Variants in IDNK observed in about 807,000 individuals in gnomAD.
IDNK encodes IDNK gluconokinase.
A neutral mutation model predicts 13.0 loss-of-function variants in IDNK; 9 were observed. The ratio of observed to expected loss-of-function variants is 0.69; its 90% CI spans 0.42 to 1.21. The LOEUF (loss-of-function observed/expected upper bound fraction) is 1.21, where lower values mean the gene tolerates loss of function less well. Ranked by LOEUF, IDNK falls within the 50% of genes most tolerant of loss-of-function variation. IDNK has a pLI of 0.00. For synonymous variants in IDNK, 92 were observed against 94.9 expected, an observed-to-expected ratio of 0.97 and a Z score of 0.18; for missense variants, 210 against 237.8, an observed-to-expected ratio of 0.88 and a Z score of 0.77.
chr9:83,643,027 T>C (rs552269496), intron 4 of IDNK, among the ~76,000 whole-genome samples: 1 of 152,300 alleles, frequency 6.6e-6, no homozygotes, highest in Admixed American at 6.5e-5. Context: ...GCTGTTTGCA[T>C]GGCACAGGGG....
intron 3 of IDNK, among the ~76,000 whole-genome samples, chr9:83,631,384 G>A (rs914021366): frequency 4.2e-5 from 6 of 143,138 alleles, no homozygotes; most frequent in African/African-American, 1.6e-4. Flanking sequence ...CCAGGAGGGA[G>A]AGGCTGAAGA....
chr9:83,627,935 T>A (rs1446532276), intron 1 of IDNK: 3 of 1,039,742 alleles, frequency 2.9e-6, no homozygotes, highest in Non-Finnish European at 3.7e-6. Context: ...TTTAATGAGA[T>A]CTTATATATT....
At chr9:83,629,441 C>G (rs1299234049) in intron 3 of IDNK, among the ~76,000 whole-genome samples, 1 of 152,218 alleles carries the variant, frequency 6.6e-6, no homozygotes, top group South Asian at 2.1e-4. Context: ...CAAATACTTA[C>G]ACTGCTAAGC....
intron 4 of IDNK, among the ~76,000 whole-genome samples, chr9:83,642,682 A>C (rs1340155938): frequency 6.6e-6 from 1 of 152,116 alleles, no homozygotes. Flanking sequence ...TAACTCTAGA[A>C]TCCTGTCCTG....
intron 3 of IDNK, 112 bp from the exon 4 acceptor site, chr9:83,641,436 G>A (rs530079316): frequency 7.2e-5 from 87 of 1,206,208 alleles, no homozygotes; most frequent in South Asian, 2.5e-5. Flanking sequence ...TCACACCACT[G>A]AGCTCTCGCT....
intron 1 of IDNK, 38 bp downstream of exon 1, chr9:83,623,259 T>A: frequency 7.3e-7 from 1 of 1,373,448 alleles, no homozygotes; most frequent in Non-Finnish European, 9.4e-7. Flanking sequence ...CCGGGACAAG[T>A]GTTGCGGGCG....
At chr9:83,628,568 C>G (rs905862251) in intron 2 of IDNK, among the ~76,000 whole-genome samples, 1 of 151,854 alleles carries the variant, frequency 6.6e-6, no homozygotes, top group Non-Finnish European at 1.5e-5. Context: ...AGGGGAATCA[C>G]TTGAACCCGG....
Position 83,643,440 on chromosome 9 carries a change from CG to C in IDNK, c.227del (p.Gly76AspfsTer6). 1 of 1,603,022 alleles carries C rather than the reference CG, an allele frequency of 6.2e-7. No homozygotes were observed. Among genetic ancestry groups the C allele is most frequent in the South Asian group, 1.1e-5 (1 of 90,080 alleles). ...LHDILLRDVASGQRVVLACSA... is the reference protein window; with the variant it reads ...LHDILLRDVAXGQRVVLACSA... Reference sequence around the variant, plus strand: ...CTTTTTCTAAACAGAGATGTAGCCTCGGGACAGCGTGTGGTTCTAGCCTGTT... The same window carrying C: ...CTTTTTCTAAACAGAGATGTAGCCTCGGACAGCGTGTGGTTCTAGCCTGTT... On this transcript the variant is annotated frameshift_variant, in exon 5 of 5. Transcript: ENST00000376419. LOFTEE classifies it low-confidence loss of function (END_TRUNC).
intron 3 of IDNK, among the ~76,000 whole-genome samples, chr9:83,634,108 CT>C (rs1201480884): frequency 3.3e-5 from 5 of 152,206 alleles, no homozygotes; most frequent in African/African-American, 1.2e-4. Context: ...AACCTTTCTC[CT>C]TGTGGCTTTA....
intron 1 of IDNK, 87 bp from the exon 2 acceptor site, chr9:83,628,094 C>T: frequency 1.9e-6 from 3 of 1,541,584 alleles, no homozygotes; most frequent in South Asian, 2.4e-5. Context: ...GCTAAGGCAG[C>T]CATCCCTTTC....
At chr9:83,630,302 TAA>T (rs756293041) in intron 3 of IDNK, among the ~76,000 whole-genome samples, 1 of 152,106 alleles carries the variant, frequency 6.6e-6, no homozygotes, top group Non-Finnish European at 1.5e-5. Context: ...AATAGAACTA[TAA>T]AAGAGAGTAA....
intron 1 of IDNK, among the ~76,000 whole-genome samples, chr9:83,627,853 C>CAAAAAAA (rs149062579): frequency 2.7e-5 from 2 of 73,944 alleles, no homozygotes; most frequent in Admixed American, 1.5e-4. Flanking sequence ...ATCCCCACCA[C>CAAAAAAA]AAAAAAAAAA....
In IDNK at chr9:83,623,183, G is replaced by C. The variant is rs1242597086; in HGVS notation, c.12G>C (p.Pro4=). Residue 4 remains proline, a synonymous_variant, in exon 1 of 5, where the codon CCG becomes CCC. Transcript: ENST00000376419. MAA[P]GALLVMGVSG... ...GCCGAGCTTGGGTTATGGCGGCGCC[G>C]GGCGCGCTGCTGGTGATGGGCGTGA... 1.8e-5 allele frequency: 26 copies of C among 1,414,102 alleles called. No homozygotes were observed. The highest frequency in any genetic ancestry group is 3.6e-5 in the Admixed American group (1 of 27,588). The allele number at this position is 1,414,102 out of a possible 1,614,324, so 87.6% of individuals were successfully genotyped here.
intron 3 of IDNK, among the ~76,000 whole-genome samples, chr9:83,632,451 A>G (rs2780973): frequency 0.13 from 19,658 of 150,950 alleles, 1,604 homozygotes; most frequent in Middle Eastern, 0.26. Flanking sequence ...TGTAGGGACT[A>G]TCTAGAGCAG....
intron 3 of IDNK, among the ~76,000 whole-genome samples, chr9:83,635,544 G>A (rs1050669609): frequency 6.6e-6 from 1 of 152,226 alleles, no homozygotes; most frequent in African/African-American, 2.4e-5. Flanking sequence ...GCCTGCCTGG[G>A]ACAGACATGC....
At position 83,623,222 on chromosome 9, in the gene IDNK, G is replaced by A; in HGVS notation, c.50+1G>A. 1 of 1,401,524 alleles carries A rather than the reference G, an allele frequency of 7.1e-7. No individual in the cohort carries two copies. The highest frequency in any genetic ancestry group is 3.1e-5 in the East Asian group (1 of 32,656). 86.8% of individuals were successfully genotyped at this position (1,401,524 alleles called of 1,614,324 possible). A position where few individuals can be genotyped will look rare whatever the true frequency, so the allele number is the denominator to read the frequency against. ...TGATGGGCGTGAGCGGCTCGGGGAAGTAGGTCCGGGAGAGGGCGGGGGGCG... is the reference window on the plus strand; with the variant it reads ...TGATGGGCGTGAGCGGCTCGGGGAAATAGGTCCGGGAGAGGGCGGGGGGCG... On this transcript the variant is annotated splice_donor_variant, in intron 1 of 4. Transcript: ENST00000376419. LOFTEE classifies it high-confidence loss of function.
At chr9:83,643,090 A>G (rs776553428) in intron 4 of IDNK, among the ~76,000 whole-genome samples, 2 of 152,244 alleles carry the variant, frequency 1.3e-5, no homozygotes, top group Admixed American at 6.5e-5. Context: ...TCTGACATCC[A>G]TCAAAGCAGA....
In IDNK at chr9:83,623,158, G is replaced by A; in HGVS notation, c.-14G>A. The A allele has an allele frequency of 1.4e-6, 2 of 1,418,526 alleles. No homozygotes were observed. Among genetic ancestry groups the A allele is most frequent in the African/African-American group, 1.5e-5 (1 of 65,650 alleles). 87.9% of individuals were successfully genotyped at this position (1,418,526 alleles called of 1,614,324 possible). Reference sequence around the variant, plus strand: ...GGGGCCCGGAAGGCGACGGGAAGGAGCCGAGCTTGGGTTATGGCGGCGCCG... The same window carrying A: ...GGGGCCCGGAAGGCGACGGGAAGGAACCGAGCTTGGGTTATGGCGGCGCCG... On this transcript the variant is annotated 5_prime_UTR_variant, in exon 1 of 5. Transcript: ENST00000376419.
intron 2 of IDNK, among the ~76,000 whole-genome samples, chr9:83,628,479 T>C (rs1461158794): frequency 6.6e-6 from 1 of 151,920 alleles, no homozygotes; most frequent in African/African-American, 2.4e-5. Context: ...TGAAACCCCA[T>C]CTCTACTAAA....
Sources: gnomAD v4.1 joint callset for allele counts (sites outside exome capture counted in the v4.1 genomes callset) on GRCh38, gnomAD v4.1.1 for gene constraint, MANE v1.5 for transcripts, NCBI Gene and HGNC (gene_info 2026-07-23, HGNC 2026-07-21) for gene names.